Variants in SUGCT observed in about 807,000 individuals in gnomAD.
SUGCT encodes the protein succinyl-CoA:glutarate CoA-transferase.
Under a neutral mutation model 55.0 loss-of-function variants are expected in SUGCT, and 41 were observed. That is an observed-to-expected ratio of 0.74 (90% confidence interval 0.58 to 0.97). SUGCT has a LOEUF of 0.97. SUGCT is among the 50% of genes least tolerant of loss of function. The pLI, the probability that SUGCT is intolerant of heterozygous loss-of-function variation, is 0.00. For synonymous variants in SUGCT, 187 were observed against 200.4 expected, an observed-to-expected ratio of 0.93 and a Z score of 0.56; for missense variants, 568 against 547.8, an observed-to-expected ratio of 1.04 and a Z score of -0.37.
chr7:40,941,084 G>GA, the SUGCT span, among the ~76,000 whole-genome samples: 1 of 151,936 alleles, frequency 6.6e-6, no homozygotes, highest in African/African-American at 2.4e-5. Flanking sequence ...ATCTTAAAGG[G>GA]ATGCTGGATC....
chr7:40,843,275 G>A (rs1793370146), intron 13 of SUGCT, among the ~76,000 whole-genome samples: 1 of 152,108 alleles, frequency 6.6e-6, no homozygotes. Flanking sequence ...TCTTTGGGAG[G>A]CCGAGGCGGG....
chr7:40,706,106 C>T (rs192841792), intron 12 of SUGCT, among the ~76,000 whole-genome samples: 1 of 151,924 alleles, frequency 6.6e-6, no homozygotes, highest in East Asian at 1.9e-4. Context: ...TCTAATAATA[C>T]AGCATTTCCT....
intron 9 of SUGCT, among the ~76,000 whole-genome samples, chr7:40,387,719 C>G (rs764831338): frequency 1.3e-4 from 20 of 152,030 alleles, no homozygotes; most frequent in Non-Finnish European, 1.6e-4. Flanking sequence ...TAGGTACTGT[C>G]GAAAGGGATT....
chr7:40,522,662 T>G (rs1793600094), intron 12 of SUGCT, among the ~76,000 whole-genome samples: 1 of 152,090 alleles, frequency 6.6e-6, no homozygotes, highest in Non-Finnish European at 1.5e-5. Context: ...CTCATAAATA[T>G]TTTAGATTTT....
At chr7:40,392,157 A>G (rs1200306648) in intron 9 of SUGCT, among the ~76,000 whole-genome samples, 2 of 152,176 alleles carry the variant, frequency 1.3e-5, no homozygotes, top group Non-Finnish European at 2.9e-5. Context: ...TGGGGGAGGG[A>G]TAGAATTAGG....
intron 12 of SUGCT, among the ~76,000 whole-genome samples, chr7:40,529,679 A>C (rs1033378226): frequency 1.3e-5 from 2 of 152,194 alleles, no homozygotes; most frequent in Admixed American, 1.3e-4. Context: ...TTAATTGTAA[A>C]GTTAAAGGAT....
At chr7:40,384,635 C>G (rs759693682) in intron 9 of SUGCT, among the ~76,000 whole-genome samples, 14 of 151,974 alleles carry the variant, frequency 9.2e-5, no homozygotes, top group Non-Finnish European at 1.6e-4. Flanking sequence ...ACTGCAACCT[C>G]TGCCTTCAAG....
rs562550078 is a variant in SUGCT, at chr7:40,683,457, A to G, written c.1090-65977A>G. On this transcript the variant is annotated intron_variant, in intron 12 of 13. Coordinates refer to ENST00000335693, the MANE Select transcript of SUGCT (RefSeq NM_001193313.2). The stretch of plus-strand genomic sequence containing the variant: ...GGGTGCTTATAAATATTTAAATTCC[A>G]TCATAAACACATCCCACTGGCTTGG... Among the ~76,000 whole-genome samples the G allele has an allele frequency of 1.8e-3, 274 of 152,258 alleles. 2 individuals carry two copies. Among genetic ancestry groups the G allele is most frequent in the African/African-American group, 6.4e-3 (267 of 41,548 alleles).
intron 12 of SUGCT, among the ~76,000 whole-genome samples, chr7:40,687,943 T>C (rs893072842): frequency 6.6e-6 from 1 of 152,168 alleles, no homozygotes; most frequent in African/African-American, 2.4e-5. Context: ...TTTGTGTGTA[T>C]TTGGAATTAC....
At chr7:40,592,941 G>C (rs1176683611) in intron 12 of SUGCT, among the ~76,000 whole-genome samples, 2 of 152,142 alleles carry the variant, frequency 1.3e-5, no homozygotes, top group Admixed American at 6.5e-5. Context: ...GCATCAAAAG[G>C]CTGTCTAAAG....
chr7:40,672,284 A>G (rs1801979611), intron 12 of SUGCT, among the ~76,000 whole-genome samples: 1 of 152,200 alleles, frequency 6.6e-6, no homozygotes, highest in African/African-American at 2.4e-5. Context: ...ACAGTCTGTA[A>G]AAGGAAAAAT....
At chr7:40,551,299 T>C (rs1250005080) in intron 12 of SUGCT, among the ~76,000 whole-genome samples, 2 of 152,250 alleles carry the variant, frequency 1.3e-5, no homozygotes, top group African/African-American at 4.8e-5. Flanking sequence ...TTCTGCTGAA[T>C]ATAACGTTCT....
chr7:40,708,363 C>T (rs979670248), intron 12 of SUGCT, among the ~76,000 whole-genome samples: 3 of 152,098 alleles, frequency 2.0e-5, no homozygotes, highest in Non-Finnish European at 2.9e-5. Context: ...TCCTGCAGGG[C>T]CTGTCAGAGC....
the SUGCT span, among the ~76,000 whole-genome samples, chr7:40,887,520 A>G: frequency 6.6e-6 from 1 of 152,214 alleles, no homozygotes. Context: ...TGGAGTCAAG[A>G]AAGTCTCCTA....
chr7:40,966,363 A>C, the SUGCT span: 1 of 152,258 alleles, frequency 6.6e-6, no homozygotes. Flanking sequence ...CTGGACATTC[A>C]TGAGTGATCA....
chr7:40,830,937 A>G (rs548629916), intron 13 of SUGCT, among the ~76,000 whole-genome samples: 137 of 152,278 alleles, frequency 9.0e-4, no homozygotes, highest in Admixed American at 2.1e-3. Context: ...GCAACATTCA[A>G]CTGTCTGGTA....
intron 13 of SUGCT, among the ~76,000 whole-genome samples, chr7:40,766,970 C>A (rs1020509752): frequency 7.9e-5 from 12 of 152,160 alleles, no homozygotes; most frequent in Admixed American, 7.9e-4. Context: ...GGTGCCCACA[C>A]TTAAGGAGGC....
chr7:40,953,614 A>G, the SUGCT span, among the ~76,000 whole-genome samples: 2 of 152,196 alleles, frequency 1.3e-5, no homozygotes, highest in Middle Eastern at 3.4e-3. Context: ...TGATGGTGAC[A>G]TACAGGTGGG....
At chr7:40,600,337 G>A (rs1489959422) in intron 12 of SUGCT, among the ~76,000 whole-genome samples, 2 of 152,160 alleles carry the variant, frequency 1.3e-5, no homozygotes, top group Non-Finnish European at 2.9e-5. Context: ...AACCAACAAA[G>A]TTGTGCTGGA....
Sources: gnomAD v4.1 joint callset for allele counts (sites outside exome capture counted in the v4.1 genomes callset) on GRCh38, gnomAD v4.1.1 for gene constraint, MANE v1.5 for transcripts, NCBI Gene and HGNC (gene_info 2026-07-23, HGNC 2026-07-21) for gene names.